HDAC8: variants seen among roughly 807,000 people sequenced by gnomAD.
HDAC8 encodes histone deacetylase 8.
In HDAC8, 1 loss-of-function variant was observed where a neutral mutation model predicts 32.2. The observed-to-expected ratio is 0.03, with a 90% confidence interval of 0.01 to 0.15. The LOEUF (loss-of-function observed/expected upper bound fraction) is 0.15. HDAC8 is among the 10% of genes least tolerant of loss of function. HDAC8 has a pLI of 1.00. For missense variants in HDAC8, 117 were observed against 300.0 expected (o/e 0.39, Z 4.51); for synonymous variants, 108 against 113.9 (o/e 0.95, Z 0.33).
intron 7 of HDAC8, chrX:72,467,415 A>T (rs1359778694): frequency 3.6e-5 from 4 of 111,363 alleles, no homozygotes; most frequent in Non-Finnish European, 7.5e-5. Flanking sequence ...AAGTTTTTTT[A>T]AAAGTATAGA....
At chrX:72,555,796 G>A (rs1312585595) in intron 4 of HDAC8, among the ~76,000 whole-genome samples, 1 of 112,467 alleles carries the variant, frequency 8.9e-6, no homozygotes, top group Non-Finnish European at 1.9e-5. Context: ...TGTTTCCAAC[G>A]AAGAAGATAA....
chrX:72,379,490 G>GTTTTTTTTTTTTTTTTT (rs1191306787), intron 9 of HDAC8, among the ~76,000 whole-genome samples: 6 of 38,879 alleles, frequency 1.5e-4, no homozygotes, highest in East Asian at 8.9e-4. Context: ...TTTGTTTAGT[G>GTTTTTTTTTTTTTTTTT]TTTTTTTTTT....
intron 4 of HDAC8, among the ~76,000 whole-genome samples, chrX:72,527,659 C>T (rs1427432327): frequency 9.0e-6 from 1 of 111,199 alleles, no homozygotes; most frequent in Admixed American, 9.6e-5. Context: ...CTGGTAATAT[C>T]CTAGGTCACT....
chrX:72,352,068 GTC>G (rs2044198382), intron 9 of HDAC8, among the ~76,000 whole-genome samples: 1 of 111,718 alleles, frequency 9.0e-6, no homozygotes, highest in East Asian at 2.8e-4. Context: ...CTGTCCAACG[GTC>G]TCTCTGCTTA....
intron 9 of HDAC8, among the ~76,000 whole-genome samples, chrX:72,353,759 C>T (rs782381690): frequency 9.9e-5 from 11 of 111,509 alleles, no homozygotes; most frequent in South Asian, 3.8e-4. Context: ...GCTTAGATAG[C>T]GCAACAGAAG....
chrX:72,335,677 G>A (rs2043662247), intron 10 of HDAC8, among the ~76,000 whole-genome samples: 1 of 111,254 alleles, frequency 9.0e-6, no homozygotes, highest in African/African-American at 3.3e-5. Flanking sequence ...TTGGGAGGCT[G>A]AGGCGGGAGG....
chrX:72,407,114 A>G (rs1189749775), intron 9 of HDAC8, among the ~76,000 whole-genome samples: 6 of 112,884 alleles, frequency 5.3e-5, no homozygotes, highest in Admixed American at 3.7e-4. Flanking sequence ...GCTACTTTAC[A>G]TGGCAAAAAA....
At position 72,459,304 on chromosome X, in the gene HDAC8, G is replaced by A. The variant is rs571501161; in HGVS notation, c.1005+2700C>T. On this transcript the variant is annotated intron_variant, in intron 9 of 10. Coordinates refer to ENST00000373573, the MANE Select transcript of HDAC8 (RefSeq NM_018486.3). ...TAAATGAAACAAGGAATAAATGAAC[G>A]TGAAGGAAGAGCTCAAAGGGGATTG... Among the ~76,000 whole-genome samples, 15 of 111,457 alleles carry A rather than the reference G, an allele frequency of 1.3e-4. No individual in the cohort carries two copies. In the South Asian group the frequency reaches 1.5e-3, roughly 11 times the overall value.
At chrX:72,466,772 G>A (rs782353358) in intron 7 of HDAC8, 1 of 112,009 alleles carries the variant, frequency 8.9e-6, no homozygotes, top group African/African-American at 3.2e-5. Context: ...ATGAATGTTC[G>A]TAGCAGCTCA....
chrX:72,379,753 C>T (rs929072610), intron 9 of HDAC8, among the ~76,000 whole-genome samples: 61 of 110,899 alleles, frequency 5.5e-4, no homozygotes, highest in African/African-American at 1.9e-3. Flanking sequence ...CCACCTGCCT[C>T]GGCCTCTCAA....
At chrX:72,492,775 C>T (rs1049796726) in intron 5 of HDAC8, among the ~76,000 whole-genome samples, 18 of 111,001 alleles carry the variant, frequency 1.6e-4, no homozygotes, top group African/African-American at 4.6e-4. Context: ...TCTTAAACTC[C>T]GATACTAATA....
chrX:72,485,431 A>C (rs2048638366), intron 7 of HDAC8, among the ~76,000 whole-genome samples: 1 of 111,659 alleles, frequency 9.0e-6, no homozygotes, highest in African/African-American at 3.3e-5. Context: ...AAAAAACTCT[A>C]AGCCAATTTT....
chrX:72,330,193 G>A lies in HDAC8; in HGVS notation c.1112-117C>T, dbSNP rs1569219336. 5 of 558,810 alleles carry A rather than the reference G, an allele frequency of 8.9e-6. No homozygotes were observed. In the East Asian group the frequency reaches 1.8e-4, roughly 20 times the overall value. 46.1% of individuals were successfully genotyped at this position (558,810 alleles called of 1,213,427 possible). ...TGGGGCTTATTCTCTGCTGCTCTTG[G>A]GAACTCTGTGACCTCGCCATAAGGA... On this transcript the variant is annotated intron_variant, in intron 10 of 10. Transcript: ENST00000373573.
At chrX:72,570,491 C>A (rs1203409590) in intron 2 of HDAC8, among the ~76,000 whole-genome samples, 1 of 109,510 alleles carries the variant, frequency 9.1e-6, no homozygotes, top group African/African-American at 3.3e-5. Context: ...TGCCTGTAGT[C>A]CCAGCTACTC....
chrX:72,516,402 G>GC (rs1556025090), intron 4 of HDAC8, among the ~76,000 whole-genome samples: 1 of 103,200 alleles, frequency 9.7e-6, no homozygotes, highest in Non-Finnish European at 2.0e-5. Flanking sequence ...TCTGATTCTT[G>GC]TTTTTTTTTT....
chrX:72,365,214 C>T (rs2044664520), intron 9 of HDAC8, among the ~76,000 whole-genome samples: 1 of 111,876 alleles, frequency 8.9e-6, no homozygotes, highest in African/African-American at 3.2e-5. Flanking sequence ...TGTTGGTTCT[C>T]AAAAAGTTCT....
intron 8 of HDAC8, 77 bp from the exon 9 acceptor site, chrX:72,462,175 A>G: frequency 1.3e-6 from 1 of 778,299 alleles, no homozygotes; most frequent in Non-Finnish European, 1.9e-6. Flanking sequence ...GTAAGGAAAG[A>G]GAGAAAAATG....
intron 9 of HDAC8, among the ~76,000 whole-genome samples, chrX:72,394,482 G>A (rs1440043578): frequency 6.2e-5 from 7 of 112,230 alleles, no homozygotes; most frequent in Non-Finnish European, 1.9e-5. Context: ...GCCACCTGAC[G>A]TCTCCTAGTA....
At chrX:72,501,260 G>C (rs2049207500) in intron 4 of HDAC8, among the ~76,000 whole-genome samples, 1 of 111,657 alleles carries the variant, frequency 9.0e-6, no homozygotes, top group Admixed American at 9.5e-5. Context: ...CACAGAACTA[G>C]AAAAAACTAT....
Sources: allele counts gnomAD v4.1 joint callset (sites outside exome capture counted in the v4.1 genomes callset), GRCh38; gene constraint gnomAD v4.1.1; transcripts MANE v1.5; gene names NCBI Gene and HGNC (gene_info 2026-07-23, HGNC 2026-07-21).